SHISA9: variants seen among roughly 807,000 people sequenced by gnomAD.
The protein encoded by SHISA9 is shisa family member 9.
Under a neutral mutation model 38.0 loss-of-function variants are expected in SHISA9, and 13 were observed. That is an observed-to-expected ratio of 0.34 (90% CI 0.22 to 0.54). The LOEUF (loss-of-function observed/expected upper bound fraction) is 0.54, where lower values mean the gene tolerates loss of function less well. Among genes scored for constraint, SHISA9 ranks in the 20% least tolerant of loss-of-function variants. SHISA9 has a pLI of 0.91. For missense variants in SHISA9, 538 were observed against 575.8 expected (o/e 0.93, Z 0.67); for synonymous variants, 275 against 242.0 (o/e 1.14, Z -1.27).
At chr16:12,914,626 G>A (rs75735083) in intron 1 of SHISA9, among the ~76,000 whole-genome samples, 1,534 of 152,198 alleles carry the variant, frequency 0.01, 30 homozygotes, top group African/African-American at 0.035. Context: ...AGAAGCATGT[G>A]CACTAGTCCA....
chr16:13,518,509 C>A, the SHISA9 span, among the ~76,000 whole-genome samples: 1 of 152,148 alleles, frequency 6.6e-6, no homozygotes, highest in East Asian at 1.9e-4. Flanking sequence ...CCCCTCCCTG[C>A]ACTTCATCCC....
chr16:13,487,292 G>GAGACTCGGT, the SHISA9 span, among the ~76,000 whole-genome samples: 4 of 152,158 alleles, frequency 2.6e-5, no homozygotes, highest in African/African-American at 9.7e-5. Flanking sequence ...AGAAATACCC[G>GAGACTCGGT]AGACTCGGTA....
the SHISA9 span, among the ~76,000 whole-genome samples, chr16:13,443,341 C>G: frequency 6.6e-6 from 1 of 152,118 alleles, no homozygotes; most frequent in Admixed American, 6.5e-5. Flanking sequence ...CAAATGAATT[C>G]ATTTTAGAGT....
At chr16:13,220,463 T>C (rs1428097115) in intron 4 of SHISA9, among the ~76,000 whole-genome samples, 1 of 152,104 alleles carries the variant, frequency 6.6e-6, no homozygotes, top group Non-Finnish European at 1.5e-5. Flanking sequence ...AAAGAATTGA[T>C]TCATGCATTA....
the SHISA9 span, among the ~76,000 whole-genome samples, chr16:13,369,775 A>G: frequency 6.6e-6 from 1 of 152,074 alleles, no homozygotes; most frequent in East Asian, 1.9e-4. Context: ...AAGAATGTCA[A>G]AGAATGACAA....
chr16:13,192,680 C>G (rs2050897133), intron 2 of SHISA9, among the ~76,000 whole-genome samples: 1 of 152,132 alleles, frequency 6.6e-6, no homozygotes, highest in African/African-American at 2.4e-5. Context: ...TCGAGACCAT[C>G]CTGACTAACA....
chr16:13,373,112 G>A, the SHISA9 span, among the ~76,000 whole-genome samples: 25 of 152,014 alleles, frequency 1.6e-4, no homozygotes, highest in Admixed American at 7.2e-4. Flanking sequence ...TCTACACTTC[G>A]TGGTGTTTTT....
the SHISA9 span, among the ~76,000 whole-genome samples, chr16:13,520,104 G>T: frequency 6.6e-6 from 1 of 152,214 alleles, no homozygotes; most frequent in African/African-American, 2.4e-5. Context: ...GTAACTGGAT[G>T]CTGGGATAAT....
At chr16:13,405,224 AAT>A in the SHISA9 span, among the ~76,000 whole-genome samples, 1 of 152,192 alleles carries the variant, frequency 6.6e-6, no homozygotes, top group Non-Finnish European at 1.5e-5. Context: ...GTCAATTCCG[AAT>A]ATGTTATTTT....
the SHISA9 span, among the ~76,000 whole-genome samples, chr16:13,529,679 T>A: frequency 6.6e-6 from 1 of 152,324 alleles, no homozygotes; most frequent in East Asian, 1.9e-4. Flanking sequence ...AGTTTGTTTT[T>A]TTCCACCAAC....
At chr16:13,320,146 C>A in the SHISA9 span, among the ~76,000 whole-genome samples, 1 of 151,586 alleles carries the variant, frequency 6.6e-6, no homozygotes, top group African/African-American at 2.4e-5. Flanking sequence ...CAAAAATTAG[C>A]CTGGCGTGGT....
chr16:13,266,216 G>A, the SHISA9 span, among the ~76,000 whole-genome samples: 2 of 152,188 alleles, frequency 1.3e-5, no homozygotes, highest in Non-Finnish European at 2.9e-5. Flanking sequence ...AAAGGCAAGG[G>A]ATTTTAATGG....
chr16:13,139,076 C>T (rs2050374857), intron 2 of SHISA9, among the ~76,000 whole-genome samples: 1 of 152,160 alleles, frequency 6.6e-6, no homozygotes, highest in Non-Finnish European at 1.5e-5. Flanking sequence ...AGTGCCATTA[C>T]CTTCCACTGT....
the SHISA9 span, among the ~76,000 whole-genome samples, chr16:13,387,408 G>A: frequency 6.6e-6 from 1 of 152,042 alleles, no homozygotes; most frequent in Non-Finnish European, 1.5e-5. Context: ...GGCAGTGACT[G>A]GATTCATGTT....
At chr16:13,137,743 C>T (rs1255685733) in intron 2 of SHISA9, among the ~76,000 whole-genome samples, 1 of 152,112 alleles carries the variant, frequency 6.6e-6, no homozygotes, top group East Asian at 1.9e-4. Flanking sequence ...CATGAGCCAC[C>T]GCACCTGGCT....
intron 2 of SHISA9, among the ~76,000 whole-genome samples, chr16:13,068,566 CTT>C (rs1443368178): frequency 6.6e-6 from 1 of 152,208 alleles, no homozygotes; most frequent in Non-Finnish European, 1.5e-5. Context: ...TCAGTCTAGA[CTT>C]TTCTTGTATT....
the SHISA9 span, among the ~76,000 whole-genome samples, chr16:13,272,132 G>C: frequency 2.0e-5 from 3 of 151,506 alleles, no homozygotes; most frequent in Non-Finnish European, 4.4e-5. Context: ...TATGACGGTG[G>C]TTGCATCACT....
intron 2 of SHISA9, among the ~76,000 whole-genome samples, chr16:13,166,308 C>G (rs1420791835): frequency 2.6e-5 from 4 of 152,178 alleles, no homozygotes; most frequent in Non-Finnish European, 5.9e-5. Context: ...CCTGGAACAT[C>G]CTTTCTCTTG....
intron 2 of SHISA9, chr16:13,082,539 TTC>T (rs2073662995): frequency 6.6e-6 from 1 of 152,184 alleles, no homozygotes; most frequent in Non-Finnish European, 1.5e-5. Flanking sequence ...TGTCCCGGCA[TTC>T]TCTCTCTTTC....
Sources: gnomAD v4.1 joint callset for allele counts (sites outside exome capture counted in the v4.1 genomes callset) on GRCh38, gnomAD v4.1.1 for gene constraint, MANE v1.5 for transcripts, NCBI Gene and HGNC (gene_info 2026-07-23, HGNC 2026-07-21) for gene names.